Variants in TBC1D19 observed in about 807,000 individuals in gnomAD.
The protein encoded by TBC1D19 is TBC1 domain family member 19.
A neutral mutation model predicts 89.0 loss-of-function variants in TBC1D19; 60 were observed. The observed-to-expected ratio is 0.67, with a 90% CI of 0.55 to 0.84. TBC1D19 has a LOEUF of 0.84. TBC1D19 is among the 40% of genes least tolerant of loss of function. TBC1D19 has a pLI of 0.00. For missense variants in TBC1D19, 500 were observed against 610.8 expected (o/e 0.82, Z 1.91); for synonymous variants, 189 against 199.7 (o/e 0.95, Z 0.45).
intron 11 of TBC1D19, among the ~76,000 whole-genome samples, chr4:26,680,050 T>C (rs1713194284): frequency 6.6e-6 from 1 of 152,186 alleles, no homozygotes; most frequent in Non-Finnish European, 1.5e-5. Flanking sequence ...TCCTGAGATC[T>C]GATGGTTTTA....
the TBC1D19 span, among the ~76,000 whole-genome samples, chr4:26,849,201 AACACACAC>A: frequency 3.0e-3 from 447 of 149,138 alleles, 1 homozygote; most frequent in African/African-American, 9.9e-3. Context: ...CACACACACA[AACACACAC>A]ACACACACAC....
At chr4:26,673,074 C>T (rs1307101363) in intron 10 of TBC1D19, among the ~76,000 whole-genome samples, 2 of 151,472 alleles carry the variant, frequency 1.3e-5, no homozygotes, top group African/African-American at 4.8e-5. Context: ...GACTGAATAG[C>T]TGACATCTTT....
At chr4:26,578,127 T>G (rs960727146) in intron 1 of TBC1D19, among the ~76,000 whole-genome samples, 9 of 152,194 alleles carry the variant, frequency 5.9e-5, no homozygotes, top group Non-Finnish European at 2.9e-5. Flanking sequence ...CAGGATTAAG[T>G]CTTGGTAACA....
At chr4:26,618,668 A>G (rs1741844419) in intron 3 of TBC1D19, among the ~76,000 whole-genome samples, 1 of 152,226 alleles carries the variant, frequency 6.6e-6, no homozygotes, top group Non-Finnish European at 1.5e-5. Flanking sequence ...TCTACTGTGT[A>G]CCAGGCATTT....
chr4:26,723,518 C>T (rs1034694970), intron 15 of TBC1D19, among the ~76,000 whole-genome samples: 8 of 152,156 alleles, frequency 5.3e-5, no homozygotes, highest in Admixed American at 4.6e-4. Flanking sequence ...CTACCCCCAA[C>T]ATGCCTGTGA....
intron 19 of TBC1D19, among the ~76,000 whole-genome samples, chr4:26,752,243 CTT>C (rs758735137): frequency 1.9e-4 from 25 of 128,866 alleles, no homozygotes; most frequent in African/African-American, 4.4e-4. Context: ...ATATTTCTTT[CTT>C]TTTTTTTTTT....
At chr4:26,593,060 A>G (rs1210433343) in intron 1 of TBC1D19, among the ~76,000 whole-genome samples, 1,544 of 152,166 alleles carry the variant, frequency 0.01, 9 homozygotes, top group Middle Eastern at 0.027. Flanking sequence ...AACAAAGCTG[A>G]AGGCATCACA....
chr4:26,679,585 G>A (rs950880738), intron 11 of TBC1D19, among the ~76,000 whole-genome samples: 1 of 152,198 alleles, frequency 6.6e-6, no homozygotes, highest in Admixed American at 6.5e-5. Flanking sequence ...CCCCACTGGG[G>A]CACTGCCTAC....
At chr4:26,834,904 C>A in the TBC1D19 span, among the ~76,000 whole-genome samples, 1 of 152,182 alleles carries the variant, frequency 6.6e-6, no homozygotes, top group East Asian at 1.9e-4. Flanking sequence ...ATGCTTTCTA[C>A]TCAGCATCAC....
intron 18 of TBC1D19, among the ~76,000 whole-genome samples, chr4:26,745,497 C>CT (rs71186486): frequency 0.34 from 13,786 of 40,694 alleles, 5,857 homozygotes; most frequent in Non-Finnish European, 0.41. Context: ...CAATATACTT[C>CT]TTTTTTTTTT....
chr4:26,665,957 T>C (rs1193426862), intron 8 of TBC1D19, among the ~76,000 whole-genome samples: 2 of 152,104 alleles, frequency 1.3e-5, no homozygotes, highest in African/African-American at 4.8e-5. Context: ...GTAAAACTTT[T>C]ATTAGGTAGG....
downstream of TBC1D19, among the ~76,000 whole-genome samples, chr4:26,758,009 G>A (rs1479214502): frequency 6.6e-6 from 1 of 152,140 alleles, no homozygotes; most frequent in East Asian, 1.9e-4. Context: ...CAGATTCCAT[G>A]CTGATTCTCA....
At chr4:26,802,560 C>A in the TBC1D19 span, among the ~76,000 whole-genome samples, 1 of 152,064 alleles carries the variant, frequency 6.6e-6, no homozygotes, top group Non-Finnish European at 1.5e-5. Flanking sequence ...CAAGATCTCA[C>A]CACTGCACTC....
At chr4:26,836,709 G>A in the TBC1D19 span, among the ~76,000 whole-genome samples, 1 of 152,202 alleles carries the variant, frequency 6.6e-6, no homozygotes. Flanking sequence ...GGGAGGAGGA[G>A]AATTCCAGAT....
At chr4:26,707,235 T>C (rs1192943543) in intron 13 of TBC1D19, among the ~76,000 whole-genome samples, 1 of 152,122 alleles carries the variant, frequency 6.6e-6, no homozygotes, top group African/African-American at 2.4e-5. Flanking sequence ...GGTACATAAA[T>C]GTTTATAGCT....
intron 4 of TBC1D19, among the ~76,000 whole-genome samples, chr4:26,633,809 C>T (rs891066494): frequency 3.7e-4 from 56 of 152,166 alleles, no homozygotes; most frequent in African/African-American, 1.1e-3. Flanking sequence ...ATCGGGAACT[C>T]ATCTTCTGCC....
intron 13 of TBC1D19, among the ~76,000 whole-genome samples, chr4:26,709,306 C>T (rs1361168280): frequency 6.6e-6 from 1 of 151,874 alleles, no homozygotes; most frequent in Non-Finnish European, 1.5e-5. Flanking sequence ...TTTTGAATGA[C>T]CTAGTCTTTA....
intron 3 of TBC1D19, 117 bp downstream of exon 3, chr4:26,614,570 T>C: frequency 1.7e-6 from 1 of 574,040 alleles, no homozygotes; most frequent in Non-Finnish European, 2.8e-6. Flanking sequence ...TTAATATTTA[T>C]ACAGCATTTC....
At chr4:26,740,963 A>C in intron 17 of TBC1D19, 1 of 985,250 alleles carries the variant, frequency 1.0e-6, no homozygotes, top group Non-Finnish European at 1.2e-6. Context: ...AACACCAGTT[A>C]TCCTGGGTTT....
Sources: allele counts gnomAD v4.1 joint callset (sites outside exome capture counted in the v4.1 genomes callset), GRCh38; gene constraint gnomAD v4.1.1; transcripts MANE v1.5; gene names NCBI Gene and HGNC (gene_info 2026-07-23, HGNC 2026-07-21).